Variants in DAW1 observed in about 807,000 individuals in gnomAD.
DAW1 encodes dynein assembly factor with WD repeats 1.
DAW1 carries 47 observed loss-of-function variants against 56.5 expected under a neutral mutation model. The observed-to-expected ratio is 0.83, with a 90% confidence interval of 0.66 to 1.06. The LOEUF (loss-of-function observed/expected upper bound fraction) is 1.06. Ranked by LOEUF, DAW1 falls within the 50% of genes least tolerant of loss-of-function variation. DAW1 has a pLI of 0.00. For missense variants in DAW1, 505 were observed against 499.3 expected, an observed-to-expected ratio of 1.01 and a Z score of -0.11; for synonymous variants, 190 against 179.0, an observed-to-expected ratio of 1.06 and a Z score of -0.49.
At chr2:227,921,694 C>T in intron 12 of DAW1, 133 bp downstream of exon 12, 4 of 908,420 alleles carry the variant, frequency 4.4e-6, no homozygotes, top group South Asian at 5.4e-5. Flanking sequence ...TTGGCCTGCC[C>T]TCATATTTTC....
intron 1 of DAW1, among the ~76,000 whole-genome samples, chr2:227,882,110 C>G (rs1399604706): frequency 6.6e-6 from 1 of 152,122 alleles, no homozygotes; most frequent in African/African-American, 2.4e-5. Flanking sequence ...AGTGTTTTGG[C>G]AACATTTCCT....
intron 10 of DAW1, among the ~76,000 whole-genome samples, chr2:227,910,578 G>A (rs1008257434): frequency 6.6e-5 from 10 of 151,488 alleles, no homozygotes. Context: ...AAATGTATTG[G>A]ACAATGATGT....
intron 12 of DAW1, 93 bp from the exon 13 acceptor site, chr2:227,923,841 T>G: frequency 6.7e-7 from 1 of 1,495,508 alleles, no homozygotes; most frequent in Non-Finnish European, 9.2e-7. Flanking sequence ...AGTTGTTAAT[T>G]ACCAATGGCC....
chr2:227,920,222 A>C (rs1284082598), intron 11 of DAW1, among the ~76,000 whole-genome samples: 4 of 152,224 alleles, frequency 2.6e-5, no homozygotes, highest in Non-Finnish European at 5.9e-5. Context: ...TGAACATATT[A>C]CTTATTGAAT....
chr2:227,906,294 G>A lies in DAW1; in HGVS notation c.814G>A (p.Asp272Asn). 1 of 1,613,180 alleles carries A rather than the reference G, an allele frequency of 6.2e-7. No homozygotes were observed. Among genetic ancestry groups the A allele is most frequent in the Non-Finnish European group, 8.5e-7 (1 of 1,179,442 alleles). The change falls in exon 9 of 13, where the codon GAT (aspartate) becomes AAT (asparagine). Residue 272 changes from aspartate to asparagine, a missense_variant. Asp to Asn is a conservative substitution (Grantham distance 23). Transcript: ENST00000309931. ...AEISSASFNWDCSLILTGSMD... is the reference protein window; with the variant it reads ...AEISSASFNWNCSLILTGSMD... ...GATTAGCAGTGCCTCATTCAATTGG[G>A]ATTGCTCTCTAATATTAACTGGCTC...
chr2:227,901,745 A>G (rs1375936818), intron 6 of DAW1, among the ~76,000 whole-genome samples: 1 of 152,176 alleles, frequency 6.6e-6, no homozygotes, highest in East Asian at 1.9e-4. Context: ...ATGGACAAAA[A>G]TGATGGTAGA....
rs753090178 is a variant in DAW1 at position 227,893,929 on chromosome 2, C to T, written c.440+12C>T. 1.3e-6 allele frequency: 2 copies of T among 1,565,800 alleles called. No homozygotes were observed. Among genetic ancestry groups the T allele is most frequent in the South Asian group, 1.2e-5 (1 of 83,472 alleles). On this transcript the variant is annotated intron_variant, in intron 5 of 12. Transcript: ENST00000309931. ...AACAATCCTTACGGGTGTGTTCATC[C>T]CTTCACTTATTTGTTTATTAATTCA...
chr2:227,910,477 T>G (rs56226310), intron 10 of DAW1, among the ~76,000 whole-genome samples: 7,425 of 138,912 alleles, frequency 0.053, 242 homozygotes, highest in Middle Eastern at 0.099. Flanking sequence ...ATCTTCTTGA[T>G]GAATATATTT....
In DAW1 at chr2:227,924,053, T is replaced by C; in HGVS notation, c.*85T>C. 2.7e-6 allele frequency: 4 copies of C among 1,478,110 alleles called. No homozygotes were observed. The South Asian group carries it at 4.8e-5, about 18-fold the overall frequency. 91.6% of individuals were successfully genotyped at this position (1,478,110 alleles called of 1,614,324 possible). On this transcript the variant is annotated 3_prime_UTR_variant, in exon 13 of 13. Transcript: ENST00000309931. ...CACAGACAGCAGCTCTCTTAATATT[T>C]CTTATACTTTCTCTTTTTCTGCAAG...
At chr2:227,915,372 G>A (rs1036666255) in intron 10 of DAW1, among the ~76,000 whole-genome samples, 2 of 151,948 alleles carry the variant, frequency 1.3e-5, no homozygotes, top group Non-Finnish European at 2.9e-5. Context: ...ATCAACTTAA[G>A]TACTATGTAT....
intron 1 of DAW1, among the ~76,000 whole-genome samples, chr2:227,876,270 T>A (rs1460867485): frequency 1.3e-5 from 2 of 152,378 alleles, no homozygotes; most frequent in African/African-American, 4.8e-5. Flanking sequence ...TCCACCCGCC[T>A]TGGCCTCCCA....
chr2:227,878,475 A>G (rs568277749), intron 1 of DAW1, among the ~76,000 whole-genome samples: 1 of 152,188 alleles, frequency 6.6e-6, no homozygotes, highest in African/African-American at 2.4e-5. Flanking sequence ...TAATCCCAGC[A>G]CTTTGAGAGG....
chr2:227,914,492 A>T (rs368823523), intron 10 of DAW1, among the ~76,000 whole-genome samples: 2 of 152,104 alleles, frequency 1.3e-5, no homozygotes, highest in Non-Finnish European at 2.9e-5. Context: ...CATCATATTG[A>T]TATCCATATG....
intron 10 of DAW1, among the ~76,000 whole-genome samples, chr2:227,913,439 T>C (rs573325121): frequency 6.6e-5 from 10 of 152,176 alleles, no homozygotes; most frequent in African/African-American, 2.4e-4. Context: ...CAGATAATGC[T>C]TTTCTCCTTG....
intron 1 of DAW1, among the ~76,000 whole-genome samples, chr2:227,878,809 AT>A (rs61488173): frequency 2.8e-3 from 391 of 138,126 alleles, no homozygotes; most frequent in African/African-American, 7.1e-3. Context: ...TTTAAATTTA[AT>A]TTTTTTTTTT....
At chr2:227,885,991 T>TTG (rs3057652) in intron 2 of DAW1, among the ~76,000 whole-genome samples, 2 of 149,914 alleles carry the variant, frequency 1.3e-5, no homozygotes, top group South Asian at 4.2e-4. Context: ...TTTTTTTTTT[T>TTG]GAGACAGAGT....
Position 227,898,282 on chromosome 2 carries a change from GT to G in DAW1, c.540+2del. 6.8e-7 allele frequency: 1 copy of G among 1,466,224 alleles called. No individual in the cohort carries two copies. The highest frequency in any genetic ancestry group is 9.2e-7 in the Non-Finnish European group (1 of 1,092,816). The allele number at this position is 1,466,224 out of a possible 1,614,324, so 90.8% of individuals were successfully genotyped here. A position where few individuals can be genotyped will look rare whatever the true frequency, so the allele number is the denominator to read the frequency against. ...CTTCAGGGGTCATACAGCAGAAATA[GT>G]GAGTATATTTAACAATTTATTATTA... is the stretch of plus-strand genomic sequence containing the variant. On this transcript the variant is annotated splice_donor_variant, in intron 6 of 12. Transcript: ENST00000309931. LOFTEE classifies it high-confidence loss of function.
chr2:227,908,729 C>A (rs777240413), intron 10 of DAW1, among the ~76,000 whole-genome samples: 2 of 152,208 alleles, frequency 1.3e-5, no homozygotes, highest in African/African-American at 4.8e-5. Context: ...TCCTTGATAA[C>A]CACATGGTAC....
chr2:227,915,364 C>T (rs1691927742), intron 10 of DAW1, among the ~76,000 whole-genome samples: 2 of 152,140 alleles, frequency 1.3e-5, no homozygotes, highest in African/African-American at 2.4e-5. Context: ...TGTGTGTCAT[C>T]AACTTAAGTA....
Sources: allele counts gnomAD v4.1 joint callset (sites outside exome capture counted in the v4.1 genomes callset), GRCh38; gene constraint gnomAD v4.1.1; transcripts MANE v1.5; gene names NCBI Gene and HGNC (gene_info 2026-07-23, HGNC 2026-07-21).